BICRAL: variants seen among roughly 807,000 people sequenced by gnomAD.
BICRAL encodes BICRA like chromatin remodeling complex associated protein, also known as BRD4-interacting chromatin-remodeling complex-associated protein-like.
A neutral mutation model predicts 91.8 loss-of-function variants in BICRAL; 8 were observed. The ratio of observed to expected loss-of-function variants is 0.09; its 90% confidence interval spans 0.05 to 0.16. The LOEUF is 0.16. BICRAL is among the 10% of genes least tolerant of loss of function. BICRAL has a pLI of 1.00. For missense variants in BICRAL, 1,038 were observed against 1,310.9 expected (o/e 0.79, Z 3.21); for synonymous variants, 445 against 491.1 (o/e 0.91, Z 1.24).
At chr6:42,753,012 C>T (rs539627907) in intron 1 of BICRAL, among the ~76,000 whole-genome samples, 4 of 151,174 alleles carry the variant, frequency 2.6e-5, no homozygotes, top group Non-Finnish European at 2.9e-5. Flanking sequence ...CTGCAACCTC[C>T]GCCTCCCAAG....
chr6:42,814,499 G>GTGTGTATATATATATATA (rs374054837), intron 2 of BICRAL, among the ~76,000 whole-genome samples: 1 of 61,266 alleles, frequency 1.6e-5, no homozygotes, highest in African/African-American at 7.9e-5. Context: ...GTGTGTGTGT[G>GTGTGTATATATATATATA]TATATATATA....
At chr6:42,846,286 T>G (rs1765007740) in intron 6 of BICRAL, among the ~76,000 whole-genome samples, 1 of 151,782 alleles carries the variant, frequency 6.6e-6, no homozygotes, top group Non-Finnish European at 1.5e-5. Flanking sequence ...GAGAATCGCT[T>G]GAACCCGGGA....
upstream of BICRAL, among the ~76,000 whole-genome samples, chr6:42,778,679 C>G (rs1440105758): frequency 1.3e-5 from 2 of 152,158 alleles, no homozygotes; most frequent in Non-Finnish European, 2.9e-5. Context: ...TTTCCGAAAT[C>G]CATTACTGTT....
chr6:42,793,217 C>T (rs1180834752), intron 1 of BICRAL, among the ~76,000 whole-genome samples: 1 of 121,042 alleles, frequency 8.3e-6, no homozygotes, highest in Non-Finnish European at 1.6e-5. Flanking sequence ...GATCTCAGCT[C>T]ACTGCAAGCT....
chr6:42,772,557 G>C (rs926354754), intron 1 of BICRAL, among the ~76,000 whole-genome samples: 1 of 152,144 alleles, frequency 6.6e-6, no homozygotes, highest in African/African-American at 2.4e-5. Flanking sequence ...GCCAATTACC[G>C]AGCCACTTGA....
At chr6:42,832,361 T>C (rs1257775695) in intron 6 of BICRAL, among the ~76,000 whole-genome samples, 1 of 147,192 alleles carries the variant, frequency 6.8e-6, no homozygotes, top group African/African-American at 2.5e-5. Context: ...CAAAAAAGTA[T>C]ATATATTATA....
intron 1 of BICRAL, among the ~76,000 whole-genome samples, chr6:42,774,079 C>G (rs1483438180): frequency 6.6e-6 from 1 of 152,180 alleles, no homozygotes; most frequent in African/African-American, 2.4e-5. Flanking sequence ...TAAGGCAATT[C>G]TGTTTCTCTT....
chr6:42,825,136 T>G (rs572144838), intron 5 of BICRAL, among the ~76,000 whole-genome samples: 2 of 151,752 alleles, frequency 1.3e-5, no homozygotes, highest in Non-Finnish European at 1.5e-5. Flanking sequence ...GGCGTGTGCC[T>G]GTAATCCCAG....
Position 42,822,966 on chromosome 6 carries a change from C to G in BICRAL, c.122C>G (p.Ser41Cys), listed in dbSNP as rs1203180664. ...GATGACTTGACTAATGCAGGATATT[C>G]TGCAGCCAATTCAAATTCAATTTTC... ...SNDDLTNAGY[S>C]AANSNSIFAN... is the part of the protein sequence containing the mutation. The change falls in exon 5 of 13, where the codon TCT becomes TGT. Residue 41 changes from serine to cysteine, a missense_variant. Transcript: ENST00000314073. 2 of 1,611,598 alleles carry G rather than the reference C, an allele frequency of 1.2e-6. No homozygotes were observed. Among genetic ancestry groups the G allele is most frequent in the Non-Finnish European group, 1.7e-6 (2 of 1,177,872 alleles).
intron 1 of BICRAL, among the ~76,000 whole-genome samples, chr6:42,793,955 C>T (rs1372317396): frequency 1.3e-5 from 2 of 149,314 alleles, no homozygotes; most frequent in Admixed American, 1.3e-4. Context: ...GTCTCGAACT[C>T]CTGGACAAGA....
At chr6:42,796,278 C>G (rs1342364426) in intron 1 of BICRAL, among the ~76,000 whole-genome samples, 1 of 152,178 alleles carries the variant, frequency 6.6e-6, no homozygotes, top group Admixed American at 6.6e-5. Context: ...TCATGATTGT[C>G]TTTGAGCAGA....
chr6:42,795,432 C>CAAAT (rs1187219728), intron 1 of BICRAL, among the ~76,000 whole-genome samples: 1 of 152,118 alleles, frequency 6.6e-6, no homozygotes, highest in Admixed American at 6.6e-5. Flanking sequence ...GACTCTGTCT[C>CAAAT]AAATAAATAA....
At chr6:42,766,217 G>C (rs1352263283) in intron 1 of BICRAL, among the ~76,000 whole-genome samples, 1 of 152,156 alleles carries the variant, frequency 6.6e-6, no homozygotes, top group African/African-American at 2.4e-5. Context: ...GAGTAGTCAA[G>C]TTCTTTAGGA....
chr6:42,776,054 C>T (rs1762802943), intron 1 of BICRAL, among the ~76,000 whole-genome samples: 1 of 152,108 alleles, frequency 6.6e-6, no homozygotes, highest in Non-Finnish European at 1.5e-5. Flanking sequence ...CAGAGTCTTT[C>T]TCTGTCACCC....
At chr6:42,799,564 G>T (rs558151923) in intron 1 of BICRAL, among the ~76,000 whole-genome samples, 1 of 152,234 alleles carries the variant, frequency 6.6e-6, no homozygotes, top group Admixed American at 6.5e-5. Flanking sequence ...AAAGTGCTGG[G>T]ATTACAGGCG....
intron 5 of BICRAL, among the ~76,000 whole-genome samples, chr6:42,826,231 CTTTTT>C (rs763034286): frequency 1.7e-5 from 2 of 116,880 alleles, no homozygotes; most frequent in Admixed American, 8.9e-5. Context: ...AACTCATGTT[CTTTTT>C]TTTTTTTTTT....
intron 6 of BICRAL, among the ~76,000 whole-genome samples, chr6:42,846,265 G>A (rs1417371861): frequency 6.6e-6 from 1 of 151,966 alleles, no homozygotes; most frequent in African/African-American, 2.4e-5. Context: ...CTACTCAGGA[G>A]GCTGAGGCAA....
chr6:42,853,081 A>AC (rs1211971084), intron 7 of BICRAL, among the ~76,000 whole-genome samples: 1 of 151,808 alleles, frequency 6.6e-6, no homozygotes, highest in African/African-American at 2.4e-5. Context: ...AAAAAAAAAA[A>AC]AGAAAAGGTA....
At chr6:42,850,108 T>C (rs1765133139) in intron 6 of BICRAL, among the ~76,000 whole-genome samples, 2 of 152,162 alleles carry the variant, frequency 1.3e-5, no homozygotes, top group Admixed American at 1.3e-4. Context: ...CCAGGGTCTA[T>C]GTGAGCACTT....
Sources: gnomAD v4.1 joint callset for allele counts (sites outside exome capture counted in the v4.1 genomes callset) on GRCh38, gnomAD v4.1.1 for gene constraint, MANE v1.5 for transcripts, NCBI Gene and HGNC (gene_info 2026-07-23, HGNC 2026-07-21) for gene names.